The following CCDC88A variants were observed in gnomAD, a reference collection of about 807,000 sequenced individuals.
CCDC88A encodes coiled-coil and HOOK domain protein 88A.
A neutral mutation model predicts 234.3 loss-of-function variants in CCDC88A; 54 were observed. The observed-to-expected ratio is 0.23, with a 90% confidence interval of 0.19 to 0.29. The LOEUF (loss-of-function observed/expected upper bound fraction) is 0.29. Among genes scored for constraint, CCDC88A ranks in the 10% least tolerant of loss-of-function variants. The pLI is 1.00. For missense variants in CCDC88A, 1,832 were observed against 2,123.4 expected, an observed-to-expected ratio of 0.86 and a Z score of 2.70; for synonymous variants, 753 against 737.8, an observed-to-expected ratio of 1.02 and a Z score of -0.33.
At chr2:55,383,468 A>G (rs1674942132) in intron 3 of CCDC88A, among the ~76,000 whole-genome samples, 1 of 151,740 alleles carries the variant, frequency 6.6e-6, no homozygotes, top group Non-Finnish European at 1.5e-5. Context: ...AAAATACAAA[A>G]AAAAATTAGC....
At chr2:55,302,461 G>C (rs1003073516) in intron 26 of CCDC88A, among the ~76,000 whole-genome samples, 1 of 152,110 alleles carries the variant, frequency 6.6e-6, no homozygotes, top group Non-Finnish European at 1.5e-5. Flanking sequence ...CATCATTATT[G>C]AAAATGAAAG....
In CCDC88A at chr2:55,361,707, A is replaced by G. The variant is rs570235621; in HGVS notation, c.627+601T>C. Among the ~76,000 whole-genome samples, 29 of 152,304 alleles carry G rather than the reference A, an allele frequency of 1.9e-4. No individual in the cohort carries two copies. In the South Asian group the frequency reaches 5.8e-3, roughly 30 times the overall value. On this transcript the variant is annotated intron_variant, in intron 7 of 32. Transcript: ENST00000436346. ...AATATTACCCACCACCACACGCACT[A>G]AAGTCTAGACTCTTTAAAATTATAA...
At chr2:55,327,149 T>C (rs558121832) in intron 17 of CCDC88A, among the ~76,000 whole-genome samples, 15 of 152,330 alleles carry the variant, frequency 9.8e-5, no homozygotes. Context: ...AAACTTATTC[T>C]GTAACAATGT....
chr2:55,408,718 G>A (rs1020552874), intron 2 of CCDC88A, among the ~76,000 whole-genome samples: 1 of 152,182 alleles, frequency 6.6e-6, no homozygotes, highest in South Asian at 2.1e-4. Flanking sequence ...TGCTCTGCCT[G>A]TGGAGTAGTC....
intron 31 of CCDC88A, chr2:55,292,231 A>G (rs1485051089): frequency 6.6e-6 from 1 of 152,528 alleles, no homozygotes; most frequent in Non-Finnish European, 1.5e-5. Flanking sequence ...GATGCAGTGC[A>G]TAAGAATATG....
In CCDC88A at chr2:55,322,145, G is replaced by A. The variant is rs372002169; in HGVS notation, c.3162+383C>T. ...GCACGGTGGTAATAAAAAGAAAGAC[G>A]AATTACCTGCTTTCATAAATGAATA... On this transcript the variant is annotated intron_variant, in intron 18 of 32. Transcript: ENST00000436346. 9.9e-5 allele frequency among the ~76,000 whole-genome samples: 15 copies of A among 152,150 alleles called. No homozygotes were observed. In the South Asian group the frequency reaches 1.0e-3, roughly 11 times the overall value.
chr2:55,411,033 C>T (rs1368266057), intron 2 of CCDC88A, among the ~76,000 whole-genome samples: 3 of 152,186 alleles, frequency 2.0e-5, no homozygotes, highest in Admixed American at 6.5e-5. Flanking sequence ...AGGATTTAAA[C>T]TTTCAAGCCC....
In CCDC88A at chr2:55,288,216, T is replaced by G. The variant is rs1271852029; in HGVS notation, c.*2984A>C. 3 of 152,652 alleles carry G rather than the reference T, an allele frequency of 2.0e-5. No homozygotes were observed. Among genetic ancestry groups the G allele is most frequent in the Admixed American group, 6.5e-5 (1 of 15,276 alleles). The allele number at this position is 152,652 out of a possible 1,614,324, so 9.5% of individuals were successfully genotyped here. A position where few individuals can be genotyped will look rare whatever the true frequency, so the allele number is the denominator to read the frequency against. ...TGTTGAAGGGTGTTATAAGTGCAAC[T>G]TTATCCATATGCATTCCTTTTAAGG... On this transcript the variant is annotated 3_prime_UTR_variant, in exon 33 of 33. Transcript: ENST00000436346.
rs1680686133 is a variant in CCDC88A, at chr2:55,300,008, G to C, written c.4745-89C>G. 6.6e-6 allele frequency: 6 copies of C among 912,194 alleles called. No individual in the cohort carries two copies. The South Asian group carries it at 8.3e-5, about 13-fold the overall frequency. 56.5% of individuals were successfully genotyped at this position (912,194 alleles called of 1,614,324 possible). A position where few individuals can be genotyped will look rare whatever the true frequency, so the allele number is the denominator to read the frequency against. On this transcript the variant is annotated intron_variant, in intron 28 of 32. Transcript: ENST00000436346. ...ACATTCTGATTACAGAATGCTTTGA[G>C]GAAGCAATCATGCATACTTTCACAA...
chr2:55,409,468 T>C (rs990852265), intron 2 of CCDC88A, among the ~76,000 whole-genome samples: 9 of 152,292 alleles, frequency 5.9e-5, no homozygotes, highest in East Asian at 3.9e-4. Context: ...AGATACCACA[T>C]TGCAATTTGT....
At chr2:55,365,378 T>A (rs1203888522) in intron 5 of CCDC88A, among the ~76,000 whole-genome samples, 1 of 152,050 alleles carries the variant, frequency 6.6e-6, no homozygotes, top group Admixed American at 6.6e-5. Context: ...AATTTAACAC[T>A]ACCAAAATTG....
At chr2:55,336,659 A>T in intron 14 of CCDC88A, 22 bp downstream of exon 14, 1 of 1,460,350 alleles carries the variant, frequency 6.8e-7, no homozygotes, top group Non-Finnish European at 9.2e-7. Context: ...TACATTGTTT[A>T]CTTAGTAAAA....
intron 7 of CCDC88A, among the ~76,000 whole-genome samples, chr2:55,360,579 A>C (rs1671158027): frequency 6.6e-6 from 1 of 152,190 alleles, no homozygotes; most frequent in Non-Finnish European, 1.5e-5. Context: ...GAAATTCAAC[A>C]AAAATGCTTA....
intron 22 of CCDC88A, chr2:55,314,323 C>T (rs574118851): frequency 6.6e-6 from 1 of 152,336 alleles, no homozygotes; most frequent in South Asian, 2.1e-4. Context: ...CTGTCCATTA[C>T]CACTAAGGTT....
At chr2:55,333,473 G>A (rs1050562737) in intron 15 of CCDC88A, among the ~76,000 whole-genome samples, 4 of 152,098 alleles carry the variant, frequency 2.6e-5, no homozygotes, top group Admixed American at 2.6e-4. Context: ...GCATTCTCTG[G>A]CTTTGAGGTC....
Position 55,290,378 on chromosome 2 carries a change from A to G in CCDC88A, c.*822T>C, listed in dbSNP as rs1442753648. 6.6e-6 allele frequency: 1 copy of G among 152,078 alleles called. No homozygotes were observed. Among genetic ancestry groups the G allele is most frequent in the Non-Finnish European group, 1.5e-5 (1 of 67,932 alleles). 9.4% of individuals were successfully genotyped at this position (152,078 alleles called of 1,614,324 possible). On this transcript the variant is annotated 3_prime_UTR_variant, in exon 33 of 33. Coordinates refer to ENST00000436346, the MANE Select transcript of CCDC88A (RefSeq NM_001365480.1). ...ACGCATACATAACCCAATACCAAAG[A>G]AAAGAAATGAGTTAAAGCACAACAG...
intron 32 of CCDC88A, 114 bp downstream of exon 32, chr2:55,291,562 A>G (rs970853904): frequency 1.1e-5 from 5 of 456,870 alleles, no homozygotes; most frequent in African/African-American, 1.0e-4. Flanking sequence ...AAGTCAATGA[A>G]TTAAGCAAGC....
intron 13 of CCDC88A, among the ~76,000 whole-genome samples, chr2:55,338,447 T>G (rs900400506): frequency 6.6e-5 from 10 of 152,216 alleles, no homozygotes; most frequent in Admixed American, 3.3e-4. Flanking sequence ...GTTTTTATGA[T>G]GGGATTCTAT....
intron 5 of CCDC88A, among the ~76,000 whole-genome samples, chr2:55,369,750 G>A (rs1449459614): frequency 6.6e-6 from 1 of 152,048 alleles, no homozygotes; most frequent in Non-Finnish European, 1.5e-5. Context: ...TGAATAGGGT[G>A]TTTTCTCAAC....
Sources: gnomAD v4.1 joint callset for allele counts (sites outside exome capture counted in the v4.1 genomes callset) on GRCh38, gnomAD v4.1.1 for gene constraint, MANE v1.5 for transcripts, NCBI Gene and HGNC (gene_info 2026-07-23, HGNC 2026-07-21) for gene names.